ELP4: variants seen among roughly 807,000 people sequenced by gnomAD.
The protein encoded by ELP4 is elongator acetyltransferase complex subunit 4.
In ELP4, 51 loss-of-function variants were observed where a neutral mutation model predicts 48.9. The ratio of observed to expected loss-of-function variants is 1.04; its 90% confidence interval spans 0.83 to 1.32. The LOEUF (loss-of-function observed/expected upper bound fraction) is 1.32. Among genes scored for constraint, ELP4 ranks in the 40% most tolerant of loss-of-function variants. The pLI is 0.00. For synonymous variants in ELP4, 210 were observed against 189.2 expected, an observed-to-expected ratio of 1.11 and a Z score of -0.90; for missense variants, 519 against 514.6, an observed-to-expected ratio of 1.01 and a Z score of -0.08.
intron 9 of ELP4, among the ~76,000 whole-genome samples, chr11:31,677,216 C>T (rs1565107359): frequency 6.6e-6 from 1 of 152,194 alleles, no homozygotes; most frequent in Non-Finnish European, 1.5e-5. Context: ...GTCCCATGGT[C>T]ATCATGAAAC....
intron 2 of ELP4, among the ~76,000 whole-genome samples, chr11:31,534,481 A>G (rs1956467680): frequency 6.6e-6 from 1 of 152,082 alleles, no homozygotes; most frequent in South Asian, 2.1e-4. Flanking sequence ...TGAAAAGTCC[A>G]TGGTAAGGGG....
chr11:31,570,474 T>G (rs542951916), intron 3 of ELP4, among the ~76,000 whole-genome samples: 1 of 150,920 alleles, frequency 6.6e-6, no homozygotes, highest in East Asian at 1.9e-4. Context: ...ACCTTTTTTT[T>G]TTTTTTTTTT....
In ELP4 at chr11:31,789,558, T is replaced by TTGA; in HGVS notation, c.*6036_*6038dup. ...ACTCTTAAATTCGTGGCAAAGCTTG[T>TTGA]TGATCATGGTTTTCTTTTTAAAAAA... On this transcript the variant is annotated 3_prime_UTR_variant, in exon 10 of 10. Coordinates refer to ENST00000640961, the MANE Select transcript of ELP4 (RefSeq NM_019040.5). 6.6e-6 allele frequency: 4 copies of TTGA among 602,910 alleles called. No individual in the cohort carries two copies. The East Asian group carries it at 1.1e-4, about 17-fold the overall frequency. The allele number at this position is 602,910 out of a possible 1,614,324, so 37.3% of individuals were successfully genotyped here.
chr11:31,754,961 C>T (rs1362860687), intron 9 of ELP4, among the ~76,000 whole-genome samples: 1 of 152,128 alleles, frequency 6.6e-6, no homozygotes, highest in Non-Finnish European at 1.5e-5. Context: ...GCTCAGTTTT[C>T]CAGTAAAAGA....
intron 9 of ELP4, among the ~76,000 whole-genome samples, chr11:31,690,039 A>G (rs956182000): frequency 1.3e-5 from 2 of 152,196 alleles, no homozygotes; most frequent in African/African-American, 4.8e-5. Flanking sequence ...AAAGGAAATA[A>G]CATGTGTTTC....
At chr11:31,550,310 A>G (rs932019069) in intron 3 of ELP4, among the ~76,000 whole-genome samples, 11 of 152,136 alleles carry the variant, frequency 7.2e-5, no homozygotes, top group Non-Finnish European at 1.5e-4. Context: ...GGAAAAATGC[A>G]GAATTTGGCG....
chr11:31,603,986 A>C (rs898660452), intron 5 of ELP4, 79 bp downstream of exon 5: 1 of 1,173,962 alleles, frequency 8.5e-7, no homozygotes, highest in African/African-American at 1.5e-5. Flanking sequence ...TTTTGAAAGA[A>C]TACACATCTA....
At chr11:31,640,250 A>C (rs943280141) in intron 7 of ELP4, among the ~76,000 whole-genome samples, 4 of 151,944 alleles carry the variant, frequency 2.6e-5, no homozygotes, top group African/African-American at 9.7e-5. Flanking sequence ...TTTTTCATTT[A>C]TTTTACAAAT....
chr11:31,763,563 C>CT, intron 9 of ELP4: 1 of 1,566,806 alleles, frequency 6.4e-7, no homozygotes, highest in Non-Finnish European at 8.6e-7. Flanking sequence ...TGGGCTTTCC[C>CT]TTTTTTCAGC....
At chr11:31,692,405 GTT>G (rs1330193955) in intron 9 of ELP4, among the ~76,000 whole-genome samples, 1 of 152,104 alleles carries the variant, frequency 6.6e-6, no homozygotes, top group African/African-American at 2.4e-5. Flanking sequence ...GTGATAGAAT[GTT>G]TTCCCTACTC....
At chr11:31,517,695 C>A (rs1212263337) in intron 1 of ELP4, among the ~76,000 whole-genome samples, 2 of 152,046 alleles carry the variant, frequency 1.3e-5, no homozygotes, top group Non-Finnish European at 2.9e-5. Flanking sequence ...CAGCTCCCTG[C>A]AACCTCCCCC....
At chr11:31,537,515 C>G (rs1382986400) in intron 2 of ELP4, among the ~76,000 whole-genome samples, 1 of 152,128 alleles carries the variant, frequency 6.6e-6, no homozygotes. Context: ...ATAATTGAGA[C>G]TGGGTAATTT....
intron 6 of ELP4, among the ~76,000 whole-genome samples, chr11:31,629,318 A>C (rs116331864): frequency 0.011 from 1,661 of 152,094 alleles, 29 homozygotes; most frequent in African/African-American, 0.039. Flanking sequence ...CTTATGCCAC[A>C]CAGTATGCCC....
chr11:31,700,114 T>C (rs1309102819), intron 9 of ELP4, among the ~76,000 whole-genome samples: 1 of 152,106 alleles, frequency 6.6e-6, no homozygotes, highest in African/African-American at 2.4e-5. Flanking sequence ...TCTTAAGAAG[T>C]ACTGGAGTAT....
chr11:31,607,020 C>A (rs751638672), intron 5 of ELP4, among the ~76,000 whole-genome samples: 1 of 152,016 alleles, frequency 6.6e-6, no homozygotes, highest in South Asian at 2.1e-4. Flanking sequence ...TGATAAGATT[C>A]GTATCTTTAT....
intron 9 of ELP4, among the ~76,000 whole-genome samples, chr11:31,702,374 CAT>C (rs1292809781): frequency 3.3e-5 from 5 of 151,708 alleles, no homozygotes; most frequent in Non-Finnish European, 5.9e-5. Flanking sequence ...TGAATTAAAA[CAT>C]GTCAGGGAGA....
chr11:31,757,426 G>C (rs1178310628), intron 9 of ELP4, among the ~76,000 whole-genome samples: 1 of 151,822 alleles, frequency 6.6e-6, no homozygotes, highest in Non-Finnish European at 1.5e-5. Flanking sequence ...TTTAGCAACA[G>C]TAGTACAAAG....
chr11:31,641,520 G>C (rs79418289), intron 7 of ELP4, among the ~76,000 whole-genome samples: 4,031 of 151,870 alleles, frequency 0.027, 170 homozygotes, highest in African/African-American at 0.092. Flanking sequence ...TTGCCAAATT[G>C]ATCTGGTGAA....
intron 7 of ELP4, among the ~76,000 whole-genome samples, chr11:31,641,574 G>T (rs1211446190): frequency 6.6e-6 from 1 of 151,746 alleles, no homozygotes; most frequent in East Asian, 1.9e-4. Flanking sequence ...TGAAAGGGGG[G>T]CACCTTACAT....
Sources: allele counts gnomAD v4.1 joint callset (sites outside exome capture counted in the v4.1 genomes callset), GRCh38; gene constraint gnomAD v4.1.1; transcripts MANE v1.5; gene names NCBI Gene and HGNC (gene_info 2026-07-23, HGNC 2026-07-21).